Variants in NEK11 observed in about 807,000 individuals in gnomAD.
The protein encoded by NEK11 is serine/threonine-protein kinase Nek11.
In NEK11, 72 loss-of-function variants were observed where a neutral mutation model predicts 80.7. That is an observed-to-expected ratio of 0.89 (90% CI 0.74 to 1.08). The LOEUF (loss-of-function observed/expected upper bound fraction) is 1.08, where lower values mean the gene tolerates loss of function less well. NEK11 is among the 50% of genes least tolerant of loss of function. The pLI, the probability that NEK11 is intolerant of heterozygous loss-of-function variation, is 0.00. For synonymous variants in NEK11, 251 were observed against 260.7 expected, an observed-to-expected ratio of 0.96 and a Z score of 0.36; for missense variants, 764 against 763.6, an observed-to-expected ratio of 1.00 and a Z score of -0.01.
intron 17 of NEK11, among the ~76,000 whole-genome samples, chr3:131,275,403 TAAAATG>T (rs1207263379): frequency 2.6e-5 from 4 of 152,240 alleles, no homozygotes; most frequent in African/African-American, 7.2e-5. Context: ...TTTAAATAAT[TAAAATG>T]AAAATATTTT....
chr3:131,283,635 C>T (rs78982968), intron 17 of NEK11, among the ~76,000 whole-genome samples: 3,248 of 151,758 alleles, frequency 0.021, 116 homozygotes, highest in African/African-American at 0.074. Flanking sequence ...TTGAAGTAAC[C>T]CTTTAATGGA....
intron 17 of NEK11, among the ~76,000 whole-genome samples, chr3:131,281,122 T>TG (rs2096389471): frequency 6.6e-6 from 1 of 152,226 alleles, no homozygotes; most frequent in African/African-American, 2.4e-5. Context: ...GGTTTATTGA[T>TG]TTCTTTTGCT....
At chr3:131,038,143 T>G (rs1166144323) in intron 3 of NEK11, among the ~76,000 whole-genome samples, 1 of 152,088 alleles carries the variant, frequency 6.6e-6, no homozygotes, top group Non-Finnish European at 1.5e-5. Context: ...TATTAAAAAT[T>G]TTAATACTAA....
intron 3 of NEK11, among the ~76,000 whole-genome samples, chr3:131,071,820 G>A (rs1018478578): frequency 8.6e-5 from 13 of 152,016 alleles, no homozygotes; most frequent in African/African-American, 2.9e-4. Flanking sequence ...AAAGAGCCAA[G>A]TTATACATTT....
At chr3:131,164,520 C>T (rs533379760) in intron 11 of NEK11, among the ~76,000 whole-genome samples, 11 of 152,134 alleles carry the variant, frequency 7.2e-5, no homozygotes, top group South Asian at 4.1e-4. Flanking sequence ...GTGTCATTGG[C>T]TGGGGGTAAA....
chr3:131,046,775 G>A (rs887795752), intron 3 of NEK11, among the ~76,000 whole-genome samples: 5 of 152,074 alleles, frequency 3.3e-5, no homozygotes, highest in South Asian at 2.1e-4. Flanking sequence ...GTGCCTAGGC[G>A]ATGATCTTTT....
intron 17 of NEK11, among the ~76,000 whole-genome samples, chr3:131,315,505 A>G (rs2096828994): frequency 6.7e-6 from 1 of 148,882 alleles, no homozygotes; most frequent in African/African-American, 2.5e-5. Context: ...GTATTCATCC[A>G]TCAGTAAACA....
chr3:131,169,465 A>T (rs2150042933), intron 13 of NEK11, among the ~76,000 whole-genome samples: 1 of 152,314 alleles, frequency 6.6e-6, no homozygotes, highest in South Asian at 2.1e-4. Context: ...TTATTTTAGC[A>T]GGCATTTTCT....
At chr3:131,315,467 C>CTGTGTG (rs111470166) in intron 17 of NEK11, among the ~76,000 whole-genome samples, 1,981 of 137,608 alleles carry the variant, frequency 0.014, 34 homozygotes, top group African/African-American at 0.038. Flanking sequence ...AATAATATTC[C>CTGTGTG]TGTGTGTGTG....
chr3:131,126,959 C>CTTTTTTTTTTTTTTT (rs71133688), intron 5 of NEK11, among the ~76,000 whole-genome samples: 2 of 90,118 alleles, frequency 2.2e-5, no homozygotes, highest in African/African-American at 9.3e-5. Flanking sequence ...TTCTTTCTTT[C>CTTTTTTTTTTTTTTT]TTTTTTTTTT....
rs533916466 is a variant in NEK11 at position 131,179,805 on chromosome 3, C to T, written c.1399+8918C>T. The stretch of plus-strand genomic sequence containing the variant: ...TAAAATAGACGGCATATCATAATTT[C>T]ATGGACAGTAGTTTTATTAATGATA... On this transcript the variant is annotated intron_variant, in intron 14 of 17. Coordinates refer to ENST00000383366, the MANE Select transcript of NEK11 (RefSeq NM_024800.5). Among the ~76,000 whole-genome samples, 3 of 152,222 alleles carry T rather than the reference C, an allele frequency of 2.0e-5. No homozygotes were observed. The South Asian group carries it at 6.2e-4, about 32-fold the overall frequency.
chr3:131,104,411 G>A (rs1360024666), intron 4 of NEK11, among the ~76,000 whole-genome samples: 1 of 152,114 alleles, frequency 6.6e-6, no homozygotes, highest in Admixed American at 6.5e-5. Context: ...TGGCAGCTGT[G>A]GCATTCTGGA....
chr3:131,039,592 G>C (rs1032304046), intron 3 of NEK11, among the ~76,000 whole-genome samples: 2 of 152,188 alleles, frequency 1.3e-5, no homozygotes, highest in African/African-American at 4.8e-5. Context: ...TTTGACGCAT[G>C]AATGTCTCTC....
At chr3:131,282,423 T>C (rs1210214486) in intron 17 of NEK11, among the ~76,000 whole-genome samples, 1 of 152,138 alleles carries the variant, frequency 6.6e-6, no homozygotes, top group Non-Finnish European at 1.5e-5. Flanking sequence ...AACTGTCTCA[T>C]GCCCTGGTAT....
intron 5 of NEK11, among the ~76,000 whole-genome samples, chr3:131,125,940 A>G (rs1046685969): frequency 6.6e-6 from 1 of 152,220 alleles, no homozygotes; most frequent in Non-Finnish European, 1.5e-5. Context: ...TGTAGACTCT[A>G]TTCTGGAAGC....
chr3:131,264,508 A>C (rs1242917105), intron 16 of NEK11, among the ~76,000 whole-genome samples: 1 of 152,170 alleles, frequency 6.6e-6, no homozygotes, highest in Non-Finnish European at 1.5e-5. Context: ...GGTTTGTCAA[A>C]GATCAGATGG....
intron 4 of NEK11, among the ~76,000 whole-genome samples, chr3:131,099,970 C>T (rs539679252): frequency 1.8e-3 from 274 of 152,288 alleles, no homozygotes; most frequent in Non-Finnish European, 3.2e-3. Flanking sequence ...TGCCCAGTTG[C>T]TCTGGCTAGG....
Position 131,310,815 on chromosome 3 carries a change from C to T in NEK11, c.1718+37241C>T, listed in dbSNP as rs915606733. Among the ~76,000 whole-genome samples the T allele has an allele frequency of 3.9e-5, 6 of 152,026 alleles. No homozygotes were observed. The East Asian group carries it at 9.6e-4, about 24-fold the overall frequency. Reference sequence around the variant, plus strand: ...CCTTAGGCAGTTTGCATCACCCAGACTGTGCCCTAAAATGAAGGTGTTTCA... The same window carrying T: ...CCTTAGGCAGTTTGCATCACCCAGATTGTGCCCTAAAATGAAGGTGTTTCA... On this transcript the variant is annotated intron_variant, in intron 17 of 17. Transcript: ENST00000383366.
chr3:131,029,558 GT>G, intron 2 of NEK11, 54 bp from the exon 3 acceptor site: 8 of 660,114 alleles, frequency 1.2e-5, no homozygotes, highest in Non-Finnish European at 2.0e-5. Context: ...AACACTTTTT[GT>G]TAGACATCGT....
Sources: gnomAD v4.1 joint callset for allele counts (sites outside exome capture counted in the v4.1 genomes callset) on GRCh38, gnomAD v4.1.1 for gene constraint, MANE v1.5 for transcripts, NCBI Gene and HGNC (gene_info 2026-07-23, HGNC 2026-07-21) for gene names.